Variants in CBFA2T3 observed in about 807,000 individuals in gnomAD.
CBFA2T3 encodes transcriptional corepressor CBFA2T3.
CBFA2T3 carries 31 observed loss-of-function variants against 58.6 expected under a neutral mutation model. The observed-to-expected ratio is 0.53, with a 90% confidence interval of 0.40 to 0.71. The LOEUF (loss-of-function observed/expected upper bound fraction) is 0.71. Ranked by LOEUF, CBFA2T3 falls within the 30% of genes least tolerant of loss-of-function variation. CBFA2T3 has a pLI of 0.00. For missense variants in CBFA2T3, 1,076 were observed against 963.1 expected, an observed-to-expected ratio of 1.12 and a Z score of -1.55; for synonymous variants, 531 against 421.9, an observed-to-expected ratio of 1.26 and a Z score of -3.17.
At chr16:88,895,034 G>C (rs2142603823) in intron 3 of CBFA2T3, among the ~76,000 whole-genome samples, 1 of 152,308 alleles carries the variant, frequency 6.6e-6, no homozygotes, top group Non-Finnish European at 1.5e-5. Flanking sequence ...CCCCTGCTGA[G>C]TGTTGTGGCC....
chr16:88,899,037 G>A (rs1970000441), intron 2 of CBFA2T3, among the ~76,000 whole-genome samples: 2 of 152,010 alleles, frequency 1.3e-5, no homozygotes, highest in Non-Finnish European at 2.9e-5. Context: ...CTTGGTCTGG[G>A]TCCCTGCTCC....
Position 88,976,762 on chromosome 16 carries a change from C to T in CBFA2T3, c.46G>A (p.Gly16Arg), listed in dbSNP as rs112042673. 6.4e-6 allele frequency: 10 copies of T among 1,557,048 alleles called. No homozygotes were observed. In the East Asian group the frequency reaches 2.4e-4, roughly 37 times the overall value. Reference protein sequence around the residue: ...LRDRAASSASGSTCGSMSQTH... With the variant: ...LRDRAASSASRSTCGSMSQTH... ...TGGGACATGGAGCCACAGGTGGATC[C>T]CGAGGCTGAACTGGCTGCCCTGTCC... The change falls in exon 1 of 12, where the codon GGA becomes AGA. Residue 16 changes from glycine (G) to arginine (R), a missense_variant. Physicochemically the swap from Gly to Arg is moderately radical, Grantham distance 125. Transcript: ENST00000268679.
rs1969064586 is a variant in CBFA2T3, at chr16:88,881,310, ACCG to A, written c.1380_1382del (p.Gly461del). On this transcript the variant is annotated inframe_deletion, in exon 9 of 12. Coordinates refer to ENST00000268679, the MANE Select transcript of CBFA2T3 (RefSeq NM_005187.6). ...ACGCACCTAGCTGAGGCCCTTCGGGACCGGCGGAGCTGCTGCGGGGCCGGGCCG... is the reference window on the plus strand; with the variant it reads ...ACGCACCTAGCTGAGGCCCTTCGGGAGCGGAGCTGCTGCGGGGCCGGGCCG... 6.3e-7 allele frequency: 1 copy of A among 1,589,832 alleles called. No individual in the cohort carries two copies. The highest frequency in any genetic ancestry group is 8.6e-7 in the Non-Finnish European group (1 of 1,169,350).
intron 1 of CBFA2T3, 80 bp downstream of exon 1, chr16:88,976,577 G>A (rs941584173): frequency 4.5e-5 from 50 of 1,102,456 alleles, no homozygotes; most frequent in Non-Finnish European, 5.5e-5. Context: ...CAGGCCCCGC[G>A]AAGCTCTAAG....
At position 88,901,493 on chromosome 16, in the gene CBFA2T3, G is replaced by C. The variant is rs754169993; in HGVS notation, c.304+11C>G. 1.4e-6 allele frequency: 2 copies of C among 1,437,784 alleles called. No homozygotes were observed. The highest frequency in any genetic ancestry group is 5.5e-5 in the East Asian group (2 of 36,114). The allele number at this position is 1,437,784 out of a possible 1,614,324, so 89.1% of individuals were successfully genotyped here. On this transcript the variant is annotated intron_variant, in intron 2 of 11. Coordinates refer to ENST00000268679, the MANE Select transcript of CBFA2T3 (RefSeq NM_005187.6). ...CACCTGGCCCTCGGCTGCCAGGTGG[G>C]GGCTACTTACGTGTGTGTGGCGTGA... is the stretch of plus-strand genomic sequence containing the variant.
At chr16:88,892,111 G>T in intron 4 of CBFA2T3, 133 bp downstream of exon 4, 1 of 1,364,336 alleles carries the variant, frequency 7.3e-7, no homozygotes, top group Non-Finnish European at 1.0e-6. Context: ...AGAGGGTGCA[G>T]GTGGCATCGT....
chr16:88,919,546 A>C (rs898449926), intron 1 of CBFA2T3, among the ~76,000 whole-genome samples: 12 of 152,340 alleles, frequency 7.9e-5, no homozygotes, highest in East Asian at 3.9e-4. Flanking sequence ...TACGGGTAAG[A>C]AGCTCAGTGC....
At chr16:88,881,872 G>A (rs2142538087) in intron 8 of CBFA2T3, among the ~76,000 whole-genome samples, 1 of 152,348 alleles carries the variant, frequency 6.6e-6, no homozygotes, top group Non-Finnish European at 1.5e-5. Context: ...CCCCATGCCT[G>A]GCGACCCCTC....
rs1202458894 is a variant in CBFA2T3, at chr16:88,900,413, C to G, written c.304+1091G>C. Reference sequence around the variant, plus strand: ...ATGATGGCCAAAGCCCTCGGCGGAGCAGGCCCCCAGCCTCAGCGGCAGAGC... The same window carrying G: ...ATGATGGCCAAAGCCCTCGGCGGAGGAGGCCCCCAGCCTCAGCGGCAGAGC... On this transcript the variant is annotated intron_variant, in intron 2 of 11. Transcript: ENST00000268679. Among the ~76,000 whole-genome samples, 3 of 152,264 alleles carry G rather than the reference C, an allele frequency of 2.0e-5. No individual in the cohort carries two copies. In the East Asian group the frequency reaches 5.8e-4, roughly 29 times the overall value.
chr16:88,885,150 G>T lies in CBFA2T3; in HGVS notation c.1013C>A (p.Pro338Gln). The T allele has an allele frequency of 6.2e-7, 1 of 1,601,520 alleles. No individual in the cohort carries two copies. Among genetic ancestry groups the T allele is most frequent in the Non-Finnish European group, 8.5e-7 (1 of 1,174,728 alleles). ...GTCCTCCAGGCGGTAGTGCGGCGGC[G>T]GTGTGGGCTGCGGTGGCCCGTTGCT... The part of the protein sequence containing the change: ...SPSNGPPQPT[P>Q]PPHYRLEDIA... Residue 338 changes from proline to glutamine, a missense_variant, in exon 7 of 12, where the codon CCG (proline) becomes CAG (glutamine). Transcript: ENST00000268679. This position sits in a 1 kb window ranked among gnomAD's most constrained non-coding sequence, Gnocchi z 5.3.
chr16:88,882,712 C>A lies in CBFA2T3; in HGVS notation c.1167G>T (p.Glu389Asp), dbSNP rs1439532021. 6.3e-7 allele frequency: 1 copy of A among 1,591,458 alleles called. No homozygotes were observed. Among genetic ancestry groups the A allele is most frequent in the African/African-American group, 1.3e-5 (1 of 74,820 alleles). Residue 389 changes from glutamate to aspartate, a missense_variant, in exon 8 of 12, where the codon GAG becomes GAT. Coordinates refer to ENST00000268679, the MANE Select transcript of CBFA2T3 (RefSeq NM_005187.6). ...QEEVIDHKLT[E>D]REWAEEWKHL... ...GCTTCCACTCTTCTGCCCACTCACG[C>A]TCTGTGAGCTTGTGGTCGATCACTT...
intron 1 of CBFA2T3, among the ~76,000 whole-genome samples, chr16:88,947,773 G>T (rs909201397): frequency 2.8e-4 from 42 of 152,132 alleles, no homozygotes; most frequent in Non-Finnish European, 5.0e-4. Flanking sequence ...AGTTAGCCGG[G>T]TGTGGTGGTG....
intron 1 of CBFA2T3, among the ~76,000 whole-genome samples, chr16:88,944,717 A>G (rs914182694): frequency 6.6e-6 from 1 of 152,248 alleles, no homozygotes; most frequent in Non-Finnish European, 1.5e-5. Context: ...AACACTTGCC[A>G]CAGGCGTCCC....
rs1216055244 is a variant in CBFA2T3 at position 88,876,165 on chromosome 16, G to A, written c.*811C>T. 4.3e-6 allele frequency: 1 copy of A among 232,122 alleles called. No homozygotes were observed. The highest frequency in any genetic ancestry group is 6.1e-5 in the East Asian group (1 of 16,398). 14.4% of individuals were successfully genotyped at this position (232,122 alleles called of 1,614,324 possible). On this transcript the variant is annotated 3_prime_UTR_variant, in exon 12 of 12. Transcript: ENST00000268679. ...GTGTTTGCTTTTTTGGATTTCCTTT[G>A]GAGCAGAGGTGTGTCCGGTATCCTT...
chr16:88,897,761 C>A (rs888423109), intron 3 of CBFA2T3, among the ~76,000 whole-genome samples: 7 of 152,224 alleles, frequency 4.6e-5, no homozygotes. Context: ...CAGTGTCTCG[C>A]CCCTCCCCTC....
intron 1 of CBFA2T3, among the ~76,000 whole-genome samples, chr16:88,942,998 TC>T (rs549088010): frequency 2.8e-4 from 43 of 152,354 alleles, no homozygotes; most frequent in African/African-American, 1.0e-3. Context: ...TCGAAATTTA[TC>T]CATCCTGGCT....
chr16:88,925,319 C>G (rs1971052156), intron 1 of CBFA2T3, among the ~76,000 whole-genome samples: 1 of 152,242 alleles, frequency 6.6e-6, no homozygotes, highest in Non-Finnish European at 1.5e-5. Flanking sequence ...GCCTGCTCTG[C>G]TGCTCCCTCC....
At chr16:88,934,358 G>A (rs1207851568) in intron 1 of CBFA2T3, among the ~76,000 whole-genome samples, 1 of 152,252 alleles carries the variant, frequency 6.6e-6, no homozygotes. Flanking sequence ...CTGCTCCCAG[G>A]TCCCCTGTTG....
intron 3 of CBFA2T3, among the ~76,000 whole-genome samples, chr16:88,897,428 G>A (rs1969931726): frequency 1.3e-5 from 2 of 152,266 alleles, no homozygotes; most frequent in Admixed American, 1.3e-4. Flanking sequence ...GCTGCACTCA[G>A]TGGTTGACAA....
Sources: allele counts gnomAD v4.1 joint callset (sites outside exome capture counted in the v4.1 genomes callset), GRCh38; gene constraint gnomAD v4.1.1; non-coding constraint Gnocchi (gnomAD v3.1); transcripts MANE v1.5; gene names NCBI Gene and HGNC (gene_info 2026-07-23, HGNC 2026-07-21).